FAM193B: variants seen among roughly 807,000 people sequenced by gnomAD.
FAM193B encodes family with sequence similarity 193 member B.
FAM193B carries 27 observed loss-of-function variants against 70.7 expected under a neutral mutation model. The ratio of observed to expected loss-of-function variants is 0.38; its 90% CI spans 0.28 to 0.53. The LOEUF is 0.53. Ranked by LOEUF, FAM193B falls within the 20% of genes least tolerant of loss-of-function variation. The pLI, the probability that FAM193B is intolerant of heterozygous loss-of-function variation, is 0.81. For synonymous variants in FAM193B, 448 were observed against 436.0 expected, an observed-to-expected ratio of 1.03 and a Z score of -0.34; for missense variants, 1,022 against 1,072.5, an observed-to-expected ratio of 0.95 and a Z score of 0.66.
chr5:177,553,152 C>A (rs923953658), intron 1 of FAM193B: 6 of 985,238 alleles, frequency 6.1e-6, no homozygotes, highest in Non-Finnish European at 7.2e-6. Flanking sequence ...GTACCCCAAA[C>A]GGCAACCCCA....
intron 8 of FAM193B, 132 bp downstream of exon 8, chr5:177,521,842 A>G: frequency 1.5e-6 from 1 of 686,172 alleles, no homozygotes; most frequent in Admixed American, 2.4e-5. Flanking sequence ...GAAGATGCAG[A>G]CAGAAGCCAG....
At position 177,554,526 on chromosome 5, in the gene FAM193B, C is replaced by CGCCGCCGCCGCG; in HGVS notation, c.-69_-68insCGCGGCGGCGGC. 1.1e-6 allele frequency: 1 copy of CGCCGCCGCCGCG among 906,374 alleles called. No individual in the cohort carries two copies. Among genetic ancestry groups the CGCCGCCGCCGCG allele is most frequent in the Non-Finnish European group, 1.3e-6 (1 of 754,670 alleles). 56.1% of individuals were successfully genotyped at this position (906,374 alleles called of 1,614,324 possible). On this transcript the variant is annotated 5_prime_UTR_variant, in exon 1 of 9. Transcript: ENST00000514747. ...CCGCCGCCGCCGCCGCCGCCGCCGC[C>CGCCGCCGCCGCG]GCCGCTACCGCTCCCCTCACAGGAC...
rs755885622 is a variant in FAM193B at position 177,524,470 on chromosome 5, G to A, written c.2011C>T (p.Pro671Ser). The A allele has an allele frequency of 1.9e-6, 3 of 1,612,092 alleles. No individual in the cohort carries two copies. The highest frequency in any genetic ancestry group is 2.2e-5 in the East Asian group (1 of 44,866). ...VPSAKGQVAGPKQPGRVLELP... is the reference protein window; with the variant it reads ...VPSAKGQVAGSKQPGRVLELP... ...TCTAGGACCCTGCCTGGCTGCTTGG[G>A]GCCAGCGACCTGGCCCTTGGCACTG... Residue 671 changes from proline to serine, a missense_variant, in exon 6 of 9, where the codon CCC (proline) becomes TCC (serine). By Grantham distance (74) the Pro-to-Ser change is moderately conservative (BLOSUM62 -1). Coordinates refer to ENST00000514747, the MANE Select transcript of FAM193B (RefSeq NM_001190946.3).
chr5:177,526,409 A>C (rs1183924191), intron 5 of FAM193B, among the ~76,000 whole-genome samples: 1 of 152,148 alleles, frequency 6.6e-6, no homozygotes, highest in Non-Finnish European at 1.5e-5. Flanking sequence ...GGTCTGCAGC[A>C]GCTGCAGCAG....
intron 8 of FAM193B, among the ~76,000 whole-genome samples, chr5:177,520,707 G>A (rs1001066164): frequency 2.6e-5 from 4 of 152,214 alleles, no homozygotes; most frequent in Admixed American, 2.6e-4. Context: ...CTCTCAGTAG[G>A]GATAACAGAT....
At chr5:177,548,483 T>C (rs1765764899) in intron 1 of FAM193B, among the ~76,000 whole-genome samples, 2 of 152,230 alleles carry the variant, frequency 1.3e-5, no homozygotes. Flanking sequence ...TTCTTGTTTA[T>C]GGAAAAGCTC....
chr5:177,528,594 G>GT (rs1244597056), intron 5 of FAM193B, among the ~76,000 whole-genome samples: 1 of 152,236 alleles, frequency 6.6e-6, no homozygotes, highest in Non-Finnish European at 1.5e-5. Context: ...AAGGAAGAAA[G>GT]TATGTTTGCA....
intron 3 of FAM193B, 93 bp downstream of exon 3, chr5:177,537,780 A>T: frequency 6.9e-7 from 1 of 1,446,120 alleles, no homozygotes; most frequent in Non-Finnish European, 9.1e-7. Flanking sequence ...TATTTTAGTA[A>T]CCAGTCTTAT....
chr5:177,553,993 C>G, intron 1 of FAM193B: 1 of 1,273,658 alleles, frequency 7.9e-7, no homozygotes, highest in African/African-American at 1.6e-5. Context: ...GGTGTACGGC[C>G]GGAACGCCCG....
intron 1 of FAM193B, among the ~76,000 whole-genome samples, chr5:177,551,749 C>T (rs1766275698): frequency 6.6e-6 from 1 of 152,212 alleles, no homozygotes; most frequent in African/African-American, 2.4e-5. Flanking sequence ...CCTTTGGATT[C>T]AGTTTGGTAT....
In FAM193B at chr5:177,524,304, C is replaced by A; in HGVS notation, c.2177G>T (p.Arg726Leu). The part of the protein sequence containing the change: ...WRNWPGEAKA[R>L]PQEQESVQPS... ...CTGCACAGACTCCTGCTCCTGAGGCCGTGCCTTGGCCTCGCCTGGCCAGTT... is the reference window on the plus strand; with the variant it reads ...CTGCACAGACTCCTGCTCCTGAGGCAGTGCCTTGGCCTCGCCTGGCCAGTT... The change falls in exon 6 of 9, where the codon CGG becomes CTG. Residue 726 changes from arginine (R) to leucine (L), a missense_variant. Coordinates refer to ENST00000514747, the MANE Select transcript of FAM193B (RefSeq NM_001190946.3). The A allele has an allele frequency of 6.3e-7, 1 of 1,585,274 alleles. No homozygotes were observed. Among genetic ancestry groups the A allele is most frequent in the East Asian group, 2.3e-5 (1 of 43,696 alleles).
chr5:177,532,496 T>C lies in FAM193B; in HGVS notation c.1222A>G (p.Arg408Gly), dbSNP rs772664769. Residue 408 changes from arginine to glycine, a missense_variant, in exon 5 of 9, where the codon AGA becomes GGA. Arg to Gly is a moderately radical substitution (Grantham distance 125, BLOSUM62 -2). Coordinates refer to ENST00000514747, the MANE Select transcript of FAM193B (RefSeq NM_001190946.3). The surrounding 1 kb of genome is among the most constrained non-coding windows in gnomAD (Gnocchi z 4.9). ...SSCTSSSTHQRDGKFCDCCYC... is the reference protein window; with the variant it reads ...SSCTSSSTHQGDGKFCDCCYC... Reference sequence around the variant, plus strand: ...CAGCAGTCACAGAACTTCCCATCTCTCTGGTGGGTGGAGGATGAGGTGCAG... The same window carrying C: ...CAGCAGTCACAGAACTTCCCATCTCCCTGGTGGGTGGAGGATGAGGTGCAG... 1 of 1,611,818 alleles carries C rather than the reference T, an allele frequency of 6.2e-7. No homozygotes were observed. Among genetic ancestry groups the C allele is most frequent in the South Asian group, 1.1e-5 (1 of 90,354 alleles).
intron 1 of FAM193B, among the ~76,000 whole-genome samples, chr5:177,548,098 TTCTTC>T (rs554637232): frequency 5.6e-4 from 86 of 152,366 alleles, no homozygotes; most frequent in African/African-American, 1.9e-3. Flanking sequence ...TTCTGCCTTT[TTCTTC>T]TCTTTTTTTT....
chr5:177,552,427 A>G (rs539752002), intron 1 of FAM193B, among the ~76,000 whole-genome samples: 1 of 152,370 alleles, frequency 6.6e-6, no homozygotes, highest in South Asian at 2.1e-4. Flanking sequence ...TAGATGTCAA[A>G]GAAATTGATG....
chr5:177,541,149 A>G (rs969736428), intron 1 of FAM193B, among the ~76,000 whole-genome samples: 1 of 152,238 alleles, frequency 6.6e-6, no homozygotes, highest in African/African-American at 2.4e-5. Context: ...GAACATTTCA[A>G]TGAGCAAGAC....
In FAM193B at chr5:177,539,028, G is replaced by A; in HGVS notation, c.330C>T (p.Pro110=). The part of the protein sequence containing the change: ...NGLVLQGEKL[P]PDFMPKLVKN... Reference sequence around the variant, plus strand: ...TGACGAGCTTTGGCATGAAGTCAGGGGGCAGCTTCTCACCCTGCAACACCA... The same window carrying A: ...TGACGAGCTTTGGCATGAAGTCAGGAGGCAGCTTCTCACCCTGCAACACCA... The change falls in exon 2 of 9, where the codon CCC becomes CCT. Residue 110 remains proline, a synonymous_variant. Coordinates refer to ENST00000514747, the MANE Select transcript of FAM193B (RefSeq NM_001190946.3). The A allele has an allele frequency of 6.2e-7, 1 of 1,614,002 alleles. No homozygotes were observed. The highest frequency in any genetic ancestry group is 8.5e-7 in the Non-Finnish European group (1 of 1,179,900).
chr5:177,538,233 T>C lies in FAM193B; in HGVS notation c.454-126A>G, dbSNP rs1248195239. The C allele has an allele frequency of 3.2e-6, 3 of 940,916 alleles. No homozygotes were observed. In the East Asian group the frequency reaches 8.1e-5, roughly 25 times the overall value. 58.3% of individuals were successfully genotyped at this position (940,916 alleles called of 1,614,324 possible). A position where few individuals can be genotyped will look rare whatever the true frequency, so the allele number is the denominator to read the frequency against. On this transcript the variant is annotated intron_variant, in intron 2 of 8. Coordinates refer to ENST00000514747, the MANE Select transcript of FAM193B (RefSeq NM_001190946.3). The surrounding 1 kb of genome is among the most constrained non-coding windows in gnomAD (Gnocchi z 4.1). ...ACCATGTGCCATAGCAAAAACACAA[T>C]TAATACAACTCCAGCTATAAGAACA...
intron 8 of FAM193B, among the ~76,000 whole-genome samples, chr5:177,521,497 C>T (rs1175741534): frequency 1.3e-5 from 2 of 152,256 alleles, no homozygotes; most frequent in Non-Finnish European, 2.9e-5. Flanking sequence ...ACGATGTTCA[C>T]TCAGGGCTGG....
chr5:177,552,194 A>AG (rs1766346367), intron 1 of FAM193B: 1 of 420,264 alleles, frequency 2.4e-6, no homozygotes, highest in Admixed American at 6.4e-5. Context: ...GTTAACCACC[A>AG]GGCACAGGGG....
Sources: gnomAD v4.1 joint callset for allele counts (sites outside exome capture counted in the v4.1 genomes callset) on GRCh38, gnomAD v4.1.1 for gene constraint, Gnocchi (gnomAD v3.1) non-coding constraint, MANE v1.5 for transcripts, NCBI Gene and HGNC (gene_info 2026-07-23, HGNC 2026-07-21) for gene names.